The following EPHA6 variants were observed in gnomAD, a reference collection of about 807,000 sequenced individuals.
EPHA6 encodes EPH receptor A6.
A neutral mutation model predicts 112.0 loss-of-function variants in EPHA6; 50 were observed. The observed-to-expected ratio is 0.45, with a 90% CI of 0.36 to 0.56. EPHA6 has a LOEUF of 0.56. Among genes scored for constraint, EPHA6 ranks in the 20% least tolerant of loss-of-function variants. EPHA6 has a pLI of 0.00. For missense variants in EPHA6, 1,280 were observed against 1,417.4 expected, an observed-to-expected ratio of 0.90 and a Z score of 1.56; for synonymous variants, 529 against 490.7, an observed-to-expected ratio of 1.08 and a Z score of -1.03.
At chr3:97,592,033 T>G (rs1173957183) in intron 11 of EPHA6, among the ~76,000 whole-genome samples, 1 of 152,236 alleles carries the variant, frequency 6.6e-6, no homozygotes. Context: ...AAAAAGCATG[T>G]GGTTTTACCT....
chr3:97,648,311 A>G (rs1283872925), intron 14 of EPHA6: 4 of 1,365,950 alleles, frequency 2.9e-6, no homozygotes, highest in Middle Eastern at 3.6e-4. Flanking sequence ...CTAACACTTA[A>G]CCTCTGCTAT....
chr3:97,295,461 A>T (rs2080840824), intron 5 of EPHA6, among the ~76,000 whole-genome samples: 1 of 151,750 alleles, frequency 6.6e-6, no homozygotes, highest in African/African-American at 2.4e-5. Context: ...TAAATGTATC[A>T]TCCATATCCC....
At chr3:97,090,251 G>T (rs987719134) in intron 3 of EPHA6, among the ~76,000 whole-genome samples, 1 of 151,694 alleles carries the variant, frequency 6.6e-6, no homozygotes, top group Non-Finnish European at 1.5e-5. Flanking sequence ...TTTTTATTAG[G>T]TTATTTTGAC....
At chr3:97,413,545 C>G (rs184582175) in intron 6 of EPHA6, among the ~76,000 whole-genome samples, 14 of 152,054 alleles carry the variant, frequency 9.2e-5, no homozygotes, top group African/African-American at 3.4e-4. Context: ...GTTAGTAAAT[C>G]TACATTTTAC....
chr3:97,641,645 G>T (rs577365005), intron 14 of EPHA6, among the ~76,000 whole-genome samples: 4 of 151,912 alleles, frequency 2.6e-5, no homozygotes, highest in African/African-American at 9.7e-5. Context: ...GCAAGGGGTC[G>T]GAGTTCCCTT....
At chr3:96,952,438 A>G (rs528771312) in intron 2 of EPHA6, among the ~76,000 whole-genome samples, 5 of 152,180 alleles carry the variant, frequency 3.3e-5, no homozygotes, top group Middle Eastern at 6.8e-3. Context: ...TGTGGTGCTG[A>G]GTTAGTTCTT....
At chr3:97,478,806 A>T (rs2091448891) in intron 8 of EPHA6, among the ~76,000 whole-genome samples, 1 of 152,102 alleles carries the variant, frequency 6.6e-6, no homozygotes, top group African/African-American at 2.4e-5. Flanking sequence ...GATGTTGAAG[A>T]ATTTACTCAT....
chr3:97,547,687 C>T (rs990107186), intron 11 of EPHA6, among the ~76,000 whole-genome samples: 1 of 152,216 alleles, frequency 6.6e-6, no homozygotes, highest in East Asian at 1.9e-4. Flanking sequence ...AGGCAGGACT[C>T]CTTGAGCTGT....
At chr3:97,415,251 CTT>C (rs1478854990) in intron 6 of EPHA6, among the ~76,000 whole-genome samples, 1 of 152,060 alleles carries the variant, frequency 6.6e-6, no homozygotes, top group African/African-American at 2.4e-5. Flanking sequence ...TTTATCACCT[CTT>C]TTGTTTTTAA....
chr3:97,505,048 A>G (rs927790322), intron 10 of EPHA6, among the ~76,000 whole-genome samples: 4 of 152,106 alleles, frequency 2.6e-5, no homozygotes, highest in African/African-American at 7.2e-5. Flanking sequence ...CCAGAATTTT[A>G]TAGAGGAAGT....
intron 2 of EPHA6, among the ~76,000 whole-genome samples, chr3:96,912,788 C>A (rs2039283832): frequency 6.6e-6 from 1 of 151,930 alleles, no homozygotes; most frequent in Non-Finnish European, 1.5e-5. Flanking sequence ...GATGAGGTCT[C>A]ACTATGTTGC....
intron 11 of EPHA6, among the ~76,000 whole-genome samples, chr3:97,587,732 G>T (rs2107322599): frequency 6.6e-6 from 1 of 152,212 alleles, no homozygotes. Flanking sequence ...ACACATTTTA[G>T]GAGTTGAAGA....
chr3:97,667,710 C>T (rs1301135515), intron 14 of EPHA6, among the ~76,000 whole-genome samples: 7 of 152,174 alleles, frequency 4.6e-5, no homozygotes, highest in Non-Finnish European at 8.8e-5. Context: ...TCTTAAATAA[C>T]CTGGAAACCA....
intron 8 of EPHA6, among the ~76,000 whole-genome samples, chr3:97,477,468 G>GAGGAAGGGA (rs1303191211): frequency 9.4e-5 from 13 of 137,822 alleles, no homozygotes; most frequent in African/African-American, 3.6e-4. Context: ...GAGGGGAGGG[G>GAGGAAGGGA]AGGAAGGGAA....
At chr3:97,267,262 C>T (rs2079716663) in intron 5 of EPHA6, among the ~76,000 whole-genome samples, 1 of 152,040 alleles carries the variant, frequency 6.6e-6, no homozygotes, top group Admixed American at 6.6e-5. Flanking sequence ...ATGGGTCTAT[C>T]TTGGTGGGAA....
At chr3:97,112,566 A>G (rs1489395590) in intron 3 of EPHA6, among the ~76,000 whole-genome samples, 4 of 152,024 alleles carry the variant, frequency 2.6e-5, no homozygotes, top group Admixed American at 6.6e-5. Context: ...TCATAAGCAC[A>G]TGAAGAAAGT....
intron 2 of EPHA6, among the ~76,000 whole-genome samples, chr3:96,914,803 CAG>C (rs2039404266): frequency 6.6e-6 from 1 of 151,566 alleles, no homozygotes; most frequent in African/African-American, 2.4e-5. Context: ...GTTGCTGAGA[CAG>C]AAATTAAAAG....
At chr3:97,242,633 T>C (rs1375937239) in intron 4 of EPHA6, among the ~76,000 whole-genome samples, 1 of 151,858 alleles carries the variant, frequency 6.6e-6, no homozygotes, top group African/African-American at 2.4e-5. Flanking sequence ...GTAGAGTATC[T>C]GCCACATAGT....
Position 97,758,792 on chromosome 3 carries a change from A to G in EPHA6, c.*10091A>G, listed in dbSNP as rs890598389. Among the ~76,000 whole-genome samples the G allele has an allele frequency of 2.0e-5, 3 of 151,934 alleles. No individual in the cohort carries two copies. Among genetic ancestry groups the G allele is most frequent in the Non-Finnish European group, 2.9e-5 (2 of 67,888 alleles). ...GGGAAGAGCATTACAAGCAGAGGGA[A>G]AATTTAATGAATGAAATTACAAGCA... On this transcript the variant is annotated 3_prime_UTR_variant, in exon 18 of 18. Transcript: ENST00000389672.
Sources: allele counts gnomAD v4.1 joint callset (sites outside exome capture counted in the v4.1 genomes callset), GRCh38; gene constraint gnomAD v4.1.1; transcripts MANE v1.5; gene names NCBI Gene and HGNC (gene_info 2026-07-23, HGNC 2026-07-21).